SPAG16: variants seen among roughly 807,000 people sequenced by gnomAD.
SPAG16 encodes the protein sperm associated antigen 16.
A neutral mutation model predicts 80.4 loss-of-function variants in SPAG16; 86 were observed. The observed-to-expected ratio is 1.07, with a 90% CI of 0.90 to 1.28. The LOEUF is 1.28. Among genes scored for constraint, SPAG16 ranks in the 50% most tolerant of loss-of-function variants. The pLI, the probability that SPAG16 is intolerant of heterozygous loss-of-function variation, is 0.00. For synonymous variants in SPAG16, 294 were observed against 265.9 expected (o/e 1.11, Z -1.03); for missense variants, 870 against 765.3 (o/e 1.14, Z -1.61).
At chr2:213,826,002 G>T (rs1478061845) in intron 10 of SPAG16, among the ~76,000 whole-genome samples, 1 of 151,662 alleles carries the variant, frequency 6.6e-6, no homozygotes, top group Non-Finnish European at 1.5e-5. Flanking sequence ...ATGTATCTAG[G>T]AACTTATCCA....
At chr2:214,299,491 G>A (rs1004941127) in intron 15 of SPAG16, among the ~76,000 whole-genome samples, 3 of 151,652 alleles carry the variant, frequency 2.0e-5, no homozygotes, top group African/African-American at 7.3e-5. Flanking sequence ...CTCATCATTC[G>A]CCTGCTTCAG....
At chr2:214,066,680 CT>C (rs2050545503) in intron 13 of SPAG16, among the ~76,000 whole-genome samples, 1 of 151,706 alleles carries the variant, frequency 6.6e-6, no homozygotes, top group South Asian at 2.1e-4. Flanking sequence ...ACTCAATAAA[CT>C]CAAAAACTAC....
chr2:214,020,134 A>C lies in SPAG16; in HGVS notation c.1527+6057A>C, dbSNP rs1171370436. Among the ~76,000 whole-genome samples, 6 of 152,210 alleles carry C rather than the reference A, an allele frequency of 3.9e-5. No individual in the cohort carries two copies. In the East Asian group the frequency reaches 1.2e-3, roughly 29 times the overall value. On this transcript the variant is annotated intron_variant, in intron 13 of 15. Transcript: ENST00000331683. ...CAACTGAGAAAGTGGAGCCTGAGGA[A>C]GTAAGTTGCGCAAGAACAGCCCAGT... is the stretch of plus-strand genomic sequence containing the variant.
intron 14 of SPAG16, among the ~76,000 whole-genome samples, chr2:214,127,994 A>G (rs763620567): frequency 1.3e-5 from 2 of 151,826 alleles, no homozygotes; most frequent in African/African-American, 2.4e-5. Flanking sequence ...AAGTGGTAGA[A>G]TTTAGTATTT....
chr2:213,429,689 T>C (rs2070168367), intron 9 of SPAG16, among the ~76,000 whole-genome samples: 1 of 152,072 alleles, frequency 6.6e-6, no homozygotes, highest in African/African-American at 2.4e-5. Flanking sequence ...ACACCACTAC[T>C]ACAACCAACA....
intron 11 of SPAG16, among the ~76,000 whole-genome samples, chr2:213,881,724 A>G (rs1204083395): frequency 6.6e-6 from 1 of 152,220 alleles, no homozygotes; most frequent in African/African-American, 2.4e-5. Flanking sequence ...AACTGCCCCC[A>G]TGATTCAATT....
chr2:214,236,240 G>A (rs774081938), intron 15 of SPAG16, among the ~76,000 whole-genome samples: 3 of 152,212 alleles, frequency 2.0e-5, no homozygotes, highest in South Asian at 2.1e-4. Context: ...CTGTGTGCCA[G>A]GCATAGCTAT....
chr2:214,230,151 C>T (rs571920661), intron 15 of SPAG16, among the ~76,000 whole-genome samples: 3 of 151,982 alleles, frequency 2.0e-5, no homozygotes, highest in African/African-American at 4.8e-5. Context: ...CAACAGTGAA[C>T]CCATAGTGAT....
intron 10 of SPAG16, among the ~76,000 whole-genome samples, chr2:213,828,678 A>G (rs563515466): frequency 1.4e-3 from 210 of 152,284 alleles, no homozygotes; most frequent in Middle Eastern, 0.01. Context: ...AAGGCTTTTC[A>G]GGTATTTGAA....
intron 13 of SPAG16, among the ~76,000 whole-genome samples, chr2:214,018,150 A>C (rs1244385982): frequency 2.0e-5 from 3 of 152,122 alleles, no homozygotes; most frequent in Non-Finnish European, 4.4e-5. Flanking sequence ...ATTGATATAA[A>C]ATTCTACAAG....
At chr2:213,805,831 A>C (rs976783684) in intron 10 of SPAG16, among the ~76,000 whole-genome samples, 13 of 152,280 alleles carry the variant, frequency 8.5e-5, no homozygotes, top group Admixed American at 7.8e-4. Flanking sequence ...TTTAAATTTT[A>C]AAATATTTTC....
chr2:213,543,758 A>G (rs1399196510), intron 10 of SPAG16, among the ~76,000 whole-genome samples: 4 of 152,060 alleles, frequency 2.6e-5, no homozygotes, highest in Admixed American at 2.6e-4. Flanking sequence ...TTTAAAATCA[A>G]AATTGACATA....
chr2:213,676,043 G>A (rs1160447618), intron 10 of SPAG16, among the ~76,000 whole-genome samples: 1 of 152,080 alleles, frequency 6.6e-6, no homozygotes, highest in African/African-American at 2.4e-5. Flanking sequence ...CCATTTGTTT[G>A]TATCCTCTTT....
rs182881036 is a variant in SPAG16, at chr2:213,701,645, C to T, written c.1071-160840C>T. ...CGCGGGACTGGTAGGCAGCTCCACC[C>T]GCAGCCCTGGCGCAGGATCCACTAG... On this transcript the variant is annotated intron_variant, in intron 10 of 15. Coordinates refer to ENST00000331683, the MANE Select transcript of SPAG16 (RefSeq NM_024532.5). Among the ~76,000 whole-genome samples, 34 of 152,280 alleles carry T rather than the reference C, an allele frequency of 2.2e-4. No homozygotes were observed. In the East Asian group the frequency reaches 3.7e-3, roughly 16 times the overall value.
intron 10 of SPAG16, among the ~76,000 whole-genome samples, chr2:213,660,508 C>G (rs1004152406): frequency 7.2e-5 from 11 of 152,118 alleles, no homozygotes; most frequent in African/African-American, 2.7e-4. Flanking sequence ...GTAAAAGAGT[C>G]TTGGAACATG....
intron 15 of SPAG16, among the ~76,000 whole-genome samples, chr2:214,226,869 T>C (rs1308267486): frequency 6.6e-6 from 1 of 152,076 alleles, no homozygotes; most frequent in East Asian, 1.9e-4. Context: ...AATCAGATCT[T>C]TGAAAATTTC....
intron 10 of SPAG16, among the ~76,000 whole-genome samples, chr2:213,755,165 T>C (rs1277566116): frequency 6.6e-6 from 1 of 152,172 alleles, no homozygotes; most frequent in Non-Finnish European, 1.5e-5. Context: ...GTTCAGTGTA[T>C]TTTTTTATGT....
At chr2:213,831,259 C>T (rs1038758832) in intron 10 of SPAG16, among the ~76,000 whole-genome samples, 3 of 151,594 alleles carry the variant, frequency 2.0e-5, no homozygotes, top group Admixed American at 6.6e-5. Context: ...AGGCTGGTCT[C>T]GAACTCCTGA....
intron 10 of SPAG16, among the ~76,000 whole-genome samples, chr2:213,651,166 A>T (rs910503635): frequency 3.2e-4 from 48 of 152,282 alleles, no homozygotes; most frequent in East Asian, 3.9e-4. Context: ...ACACACAAAC[A>T]CACACAACTT....
Sources: gnomAD v4.1 joint callset for allele counts (sites outside exome capture counted in the v4.1 genomes callset) on GRCh38, gnomAD v4.1.1 for gene constraint, MANE v1.5 for transcripts, NCBI Gene and HGNC (gene_info 2026-07-23, HGNC 2026-07-21) for gene names.